Variants in CNTN5 observed in about 807,000 individuals in gnomAD.
The protein encoded by CNTN5 is contactin 5.
CNTN5 carries 77 observed loss-of-function variants against 129.1 expected under a neutral mutation model. The ratio of observed to expected loss-of-function variants is 0.60; its 90% CI spans 0.50 to 0.72. The LOEUF (loss-of-function observed/expected upper bound fraction) is 0.72, where lower values mean the gene tolerates loss of function less well. CNTN5 is among the 30% of genes least tolerant of loss of function. The probability of loss-of-function intolerance (pLI) is 0.00; values close to 1 mark genes in which losing one functional copy is unlikely to be tolerated. For synonymous variants in CNTN5, 509 were observed against 465.6 expected, an observed-to-expected ratio of 1.09 and a Z score of -1.20; for missense variants, 1,478 against 1,328.8, an observed-to-expected ratio of 1.11 and a Z score of -1.75.
At chr11:100,228,714 G>C in intron 16 of CNTN5, among the ~76,000 whole-genome samples, 1 of 152,164 alleles carries the variant, frequency 6.6e-6, no homozygotes, top group East Asian at 1.9e-4. Flanking sequence ...ACTCAGAGTG[G>C]AGAGATGAGG....
intron 13 of CNTN5, among the ~76,000 whole-genome samples, chr11:100,141,364 G>A (rs1056445127): frequency 9.3e-5 from 14 of 150,736 alleles, no homozygotes; most frequent in Non-Finnish European, 1.9e-4. Context: ...TGAGGGGTGG[G>A]GTGCCCTTTG....
At chr11:99,503,721 TAGAC>T (rs1330265374) in intron 2 of CNTN5, among the ~76,000 whole-genome samples, 2 of 152,182 alleles carry the variant, frequency 1.3e-5, no homozygotes, top group African/African-American at 2.4e-5. Flanking sequence ...TATAGATGGG[TAGAC>T]AGACAGATAA....
chr11:99,506,432 A>C (rs1207691347), intron 2 of CNTN5, among the ~76,000 whole-genome samples: 3 of 152,200 alleles, frequency 2.0e-5, no homozygotes, highest in Non-Finnish European at 2.9e-5. Flanking sequence ...AAACGAAGGC[A>C]GGTTCACACC....
intron 3 of CNTN5, among the ~76,000 whole-genome samples, chr11:99,619,812 G>A: frequency 6.6e-6 from 1 of 151,894 alleles, no homozygotes; most frequent in Non-Finnish European, 1.5e-5. Flanking sequence ...GGATCACAAG[G>A]TCAGGAGATC....
At chr11:99,545,977 G>T (rs373816088) in intron 2 of CNTN5, among the ~76,000 whole-genome samples, 45 of 149,222 alleles carry the variant, frequency 3.0e-4, no homozygotes, top group African/African-American at 1.0e-3. Context: ...TCAACAACTT[G>T]GACTTTGAAT....
In CNTN5 at chr11:100,333,317, C is replaced by G. The variant is rs1455048996; in HGVS notation, c.2731-7146C>G. On this transcript the variant is annotated intron_variant, in intron 21 of 24. Coordinates refer to ENST00000524871, the MANE Select transcript of CNTN5 (RefSeq NM_014361.4). ...CATCATGCTCATGGATGGGTAGAAT[C>G]AATATTGTCAAAATGACCATACTGC... is the stretch of plus-strand genomic sequence containing the variant. Among the ~76,000 whole-genome samples, 5 of 138,558 alleles carry G rather than the reference C, an allele frequency of 3.6e-5. No individual in the cohort carries two copies. The East Asian group carries it at 1.2e-3, about 32-fold the overall frequency. 90.9% of individuals were successfully genotyped at this position (138,558 alleles called of 152,430 possible).
chr11:100,350,619 C>A, intron 23 of CNTN5, 83 bp from the exon 24 acceptor site: 1 of 1,014,134 alleles, frequency 9.9e-7, no homozygotes, highest in Non-Finnish European at 1.4e-6. Flanking sequence ...TTGTGCTTAT[C>A]TCAGAATGTG....
intron 1 of CNTN5, among the ~76,000 whole-genome samples, chr11:99,026,977 C>T (rs1210630127): frequency 1.3e-5 from 2 of 151,548 alleles, no homozygotes; most frequent in Non-Finnish European, 3.0e-5. Flanking sequence ...ATTATATTAA[C>T]TCAGTGGAAA....
chr11:99,215,791 G>T (rs1379542773), intron 1 of CNTN5, among the ~76,000 whole-genome samples: 1 of 152,150 alleles, frequency 6.6e-6, no homozygotes, highest in Admixed American at 6.6e-5. Context: ...AAAGTAATGT[G>T]AATGGAAATC....
At chr11:99,611,578 TTAAAG>T (rs1263222870) in intron 3 of CNTN5, among the ~76,000 whole-genome samples, 1 of 152,162 alleles carries the variant, frequency 6.6e-6, no homozygotes, top group Non-Finnish European at 1.5e-5. Flanking sequence ...TGTGTTCAAT[TTAAAG>T]TAAACTATAT....
chr11:100,083,356 G>A (rs1253116615), intron 13 of CNTN5, among the ~76,000 whole-genome samples: 1 of 148,726 alleles, frequency 6.7e-6, no homozygotes, highest in Admixed American at 6.7e-5. Flanking sequence ...AGGTCCCAGA[G>A]TATTTTAAAC....
At chr11:100,175,554 T>C (rs1279464446) in intron 13 of CNTN5, among the ~76,000 whole-genome samples, 1 of 152,120 alleles carries the variant, frequency 6.6e-6, no homozygotes, top group Admixed American at 6.6e-5. Context: ...AAACACTATG[T>C]ACCAGTTAAT....
At chr11:100,336,990 A>C in intron 21 of CNTN5, 1 of 778,998 alleles carries the variant, frequency 1.3e-6, no homozygotes, top group Non-Finnish European at 2.3e-6. Flanking sequence ...AGCACAGCAC[A>C]TTGAACCCAC....
intron 14 of CNTN5, 37 bp downstream of exon 14, chr11:100,191,290 C>T (rs1337566646): frequency 1.3e-6 from 2 of 1,566,216 alleles, no homozygotes. Context: ...CAAGCATAGT[C>T]TCATGGTCTT....
At position 99,074,445 on chromosome 11, in the gene CNTN5, A is replaced by T. The variant is rs1865477746; in HGVS notation, c.-210+53175A>T. Among the ~76,000 whole-genome samples the T allele has an allele frequency of 2.6e-5, 4 of 152,172 alleles. No individual in the cohort carries two copies. In the South Asian group the frequency reaches 8.3e-4, roughly 31 times the overall value. ...CCTAGAACTGTAGAAACCCTAGAAG[A>T]AAACCTTGGCAATACCATTTAGGAC... On this transcript the variant is annotated intron_variant, in intron 1 of 24. Coordinates refer to ENST00000524871, the MANE Select transcript of CNTN5 (RefSeq NM_014361.4).
chr11:100,142,419 G>C (rs1253112356), intron 13 of CNTN5, among the ~76,000 whole-genome samples: 1 of 152,074 alleles, frequency 6.6e-6, no homozygotes, highest in East Asian at 1.9e-4. Context: ...TACATATGTA[G>C]ATTGAGCATC....
chr11:99,558,332 G>A, intron 3 of CNTN5: 1 of 370,064 alleles, frequency 2.7e-6, no homozygotes, highest in Non-Finnish European at 5.3e-6. Context: ...TGAAATAAAG[G>A]ACACCCAGTT....
intron 9 of CNTN5, among the ~76,000 whole-genome samples, chr11:100,048,627 A>G (rs1234630455): frequency 1.3e-5 from 2 of 152,070 alleles, no homozygotes; most frequent in African/African-American, 4.8e-5. Context: ...GAAAAGATCA[A>G]TGAATTTGAA....
chr11:99,430,201 G>A (rs1943304253), intron 2 of CNTN5, among the ~76,000 whole-genome samples: 1 of 151,646 alleles, frequency 6.6e-6, no homozygotes, highest in Admixed American at 6.6e-5. Context: ...GGAGGAATAG[G>A]GTAGAAGAAA....
Sources: allele counts gnomAD v4.1 joint callset (sites outside exome capture counted in the v4.1 genomes callset), GRCh38; gene constraint gnomAD v4.1.1; transcripts MANE v1.5; gene names NCBI Gene and HGNC (gene_info 2026-07-23, HGNC 2026-07-21).